Variants in EPN1 observed in about 807,000 individuals in gnomAD.
EPN1 encodes epsin 1.
EPN1 carries 25 observed loss-of-function variants against 56.9 expected under a neutral mutation model. The ratio of observed to expected loss-of-function variants is 0.44; its 90% CI spans 0.32 to 0.61. The LOEUF (loss-of-function observed/expected upper bound fraction) is 0.61, where lower values mean the gene tolerates loss of function less well. Among genes scored for constraint, EPN1 ranks in the 20% least tolerant of loss-of-function variants. The pLI is 0.05. For missense variants in EPN1, 785 were observed against 823.7 expected, an observed-to-expected ratio of 0.95 and a Z score of 0.58; for synonymous variants, 411 against 361.8, an observed-to-expected ratio of 1.14 and a Z score of -1.54.
intron 2 of EPN1, among the ~76,000 whole-genome samples, chr19:55,681,978 A>T (rs921990918): frequency 4.0e-5 from 6 of 151,848 alleles, no homozygotes; most frequent in South Asian, 2.1e-4. Context: ...GATATTTTAA[A>T]TTTTTTTGTA....
chr19:55,680,804 GGCCCTGA>G (rs1159143730), intron 2 of EPN1: 3 of 152,546 alleles, frequency 2.0e-5, no homozygotes, highest in African/African-American at 7.2e-5. Context: ...CAGGCCCAGA[GGCCCTGA>G]GCCACTGTGA....
chr19:55,680,224 T>C (rs898740419), intron 2 of EPN1, among the ~76,000 whole-genome samples: 1 of 152,038 alleles, frequency 6.6e-6, no homozygotes, highest in Non-Finnish European at 1.5e-5. Context: ...CGAGATAGAG[T>C]TCTCTGGATT....
In EPN1 at chr19:55,703,544, G is replaced by A. The variant is rs188787497; in HGVS notation, c.*8188G>A. On this transcript the variant is annotated 3_prime_UTR_variant, in exon 11 of 11. Transcript: ENST00000270460. ...TCACCACGTTGGCCAGGCTGGTCTG[G>A]AACTCCTGACCTCAGGTGATCCACC... is the stretch of plus-strand genomic sequence containing the variant. 2.5e-3 allele frequency: 387 copies of A among 152,168 alleles called. No individual in the cohort carries two copies. Among genetic ancestry groups the A allele is most frequent in the Non-Finnish European group, 3.6e-3 (244 of 68,062 alleles). 9.4% of individuals were successfully genotyped at this position (152,168 alleles called of 1,614,324 possible).
intron 1 of EPN1, 25 bp downstream of exon 1, chr19:55,675,460 G>T (rs1040821329): frequency 6.6e-6 from 1 of 152,268 alleles, no homozygotes; most frequent in Non-Finnish European, 1.5e-5. Context: ...GAGCGCGGGG[G>T]ACGCTGGCCC....
chr19:55,686,231 C>T (rs754735260), intron 3 of EPN1, among the ~76,000 whole-genome samples: 4 of 152,186 alleles, frequency 2.6e-5, no homozygotes, highest in African/African-American at 7.2e-5. Context: ...ATCTGTCCCA[C>T]GAAACATTTC....
At chr19:55,682,116 C>T (rs1985857553) in intron 2 of EPN1, among the ~76,000 whole-genome samples, 1 of 152,136 alleles carries the variant, frequency 6.6e-6, no homozygotes. Flanking sequence ...CACTTGCTCA[C>T]TTCTAAAATA....
In EPN1 at chr19:55,709,068, T is replaced by C; in HGVS notation, c.*13712T>C. ...GCCTGGGAAAATAGAAATAAAGTTT[T>C]TTTTTTTGTTTTTCATTTTTACACA... is the stretch of plus-strand genomic sequence containing the variant. On this transcript the variant is annotated 3_prime_UTR_variant, in exon 11 of 11. Transcript: ENST00000270460. 1 of 1,548,464 alleles carries C rather than the reference T, an allele frequency of 6.5e-7. No homozygotes were observed. Among genetic ancestry groups the C allele is most frequent in the East Asian group, 2.4e-5 (1 of 42,220 alleles).
intron 2 of EPN1, among the ~76,000 whole-genome samples, chr19:55,681,418 G>A (rs1462165642): frequency 1.3e-5 from 2 of 152,336 alleles, no homozygotes; most frequent in African/African-American, 4.8e-5. Context: ...TCTGGGCCCT[G>A]CACTGCCACC....
intron 2 of EPN1, among the ~76,000 whole-genome samples, chr19:55,681,068 G>C (rs550725946): frequency 2.2e-4 from 33 of 152,368 alleles, no homozygotes; most frequent in African/African-American, 7.9e-4. Flanking sequence ...CATCTGTTCA[G>C]AGCCCAGGCT....
In EPN1 at chr19:55,708,954, A is replaced by C. The variant is rs1158775375; in HGVS notation, c.*13598A>C. ...TGATCTTGTATTCCTCGTCAATCCA[A>C]GGTCCATGTGAAATGGTCAGATGGG... On this transcript the variant is annotated 3_prime_UTR_variant, in exon 11 of 11. Transcript: ENST00000270460. The C allele has an allele frequency of 1.9e-6, 3 of 1,584,246 alleles. No individual in the cohort carries two copies. The highest frequency in any genetic ancestry group is 3.7e-5 in the Admixed American group (2 of 53,886).
rs201054079 is a variant in EPN1 at position 55,689,969 on chromosome 19, G to C, written c.762+19G>C. On this transcript the variant is annotated intron_variant, in intron 6 of 10. Coordinates refer to ENST00000270460, the MANE Select transcript of EPN1 (RefSeq NM_001130072.2). The surrounding 1 kb of genome is among the most constrained non-coding windows in gnomAD (Gnocchi z 5.7). Reference sequence around the variant, plus strand: ...GGAGGAGGTGAGCGGGGCTTGTTCTGCCCTCCCTGGCCCCTGCAGGTGTCC... The same window carrying C: ...GGAGGAGGTGAGCGGGGCTTGTTCTCCCCTCCCTGGCCCCTGCAGGTGTCC... 1.3e-5 allele frequency: 20 copies of C among 1,573,284 alleles called. No individual in the cohort carries two copies. In the Admixed American group the frequency reaches 3.7e-4, roughly 29 times the overall value.
At chr19:55,680,820 GA>G (rs1181137638) in intron 2 of EPN1, 3 of 152,590 alleles carry the variant, frequency 2.0e-5, no homozygotes, top group Admixed American at 6.5e-5. Context: ...GAGCCACTGT[GA>G]AGCTGCTACA....
At position 55,702,656 on chromosome 19, in the gene EPN1, G is replaced by A. The variant is rs1405388457; in HGVS notation, c.*7300G>A. On this transcript the variant is annotated 3_prime_UTR_variant, in exon 11 of 11. Transcript: ENST00000270460. ...TTTCTAAGCTGCTTTTTGTTAGGAA[G>A]TTTTTTGCTGGGGACTCTCTTCGCC... 1 of 152,190 alleles carries A rather than the reference G, an allele frequency of 6.6e-6. No individual in the cohort carries two copies. The highest frequency in any genetic ancestry group is 1.5e-5 in the Non-Finnish European group (1 of 68,048). The allele number at this position is 152,190 out of a possible 1,614,324, so 9.4% of individuals were successfully genotyped here. A position where few individuals can be genotyped will look rare whatever the true frequency, so the allele number is the denominator to read the frequency against.
chr19:55,679,530 G>A (rs1250074446), intron 2 of EPN1, among the ~76,000 whole-genome samples: 2 of 152,154 alleles, frequency 1.3e-5, no homozygotes, highest in African/African-American at 4.8e-5. Flanking sequence ...GGTCCCGTCG[G>A]CAAGCATCTG....
rs984564838 is a variant in EPN1, at chr19:55,677,100, C to G, written c.-101-1427C>G. 3 of 1,543,034 alleles carry G rather than the reference C, an allele frequency of 1.9e-6. No homozygotes were observed. The South Asian group carries it at 3.6e-5, about 18-fold the overall frequency. On this transcript the variant is annotated intron_variant, in intron 1 of 10. Transcript: ENST00000270460. The stretch of plus-strand genomic sequence containing the variant: ...CAGAGGCCAGCCTCTCTCCGTCATC[C>G]CTATCTCCCCTGGGCTTACATCATG...
chr19:55,686,928 G>A (rs147628629), intron 3 of EPN1, among the ~76,000 whole-genome samples: 3 of 152,002 alleles, frequency 2.0e-5, no homozygotes, highest in Non-Finnish European at 2.9e-5. Flanking sequence ...CTCGGGGGTC[G>A]TCAGACTTTG....
At chr19:55,688,500 C>T (rs527959321) in intron 3 of EPN1, among the ~76,000 whole-genome samples, 4 of 152,260 alleles carry the variant, frequency 2.6e-5, no homozygotes, top group African/African-American at 9.6e-5. Context: ...CCTGGGAAAC[C>T]TGGGAGGAAG....
Position 55,685,619 on chromosome 19 carries a change from A to G in EPN1, c.452A>G (p.Lys151Arg). Residue 151 changes from lysine to arginine, a missense_variant, in exon 3 of 11, where the codon AAG becomes AGG. Coordinates refer to ENST00000270460, the MANE Select transcript of EPN1 (RefSeq NM_001130072.2). Reference sequence around the variant, plus strand: ...GAGCGGGCGCACGCGCTCAAGACCAAGGAAAAGCTGGCACAGACCGCCACG... The same window carrying G: ...GAGCGGGCGCACGCGCTCAAGACCAGGGAAAAGCTGGCACAGACCGCCACG... ...REERAHALKT[K>R]EKLAQTATAS... 7 of 1,602,094 alleles carry G rather than the reference A, an allele frequency of 4.4e-6. No homozygotes were observed. Among genetic ancestry groups the G allele is most frequent in the Non-Finnish European group, 6.0e-6 (7 of 1,175,404 alleles).
intron 2 of EPN1, among the ~76,000 whole-genome samples, chr19:55,681,044 C>T (rs1355128769): frequency 6.6e-6 from 1 of 152,236 alleles, no homozygotes; most frequent in Non-Finnish European, 1.5e-5. Flanking sequence ...CGTGGGGGAG[C>T]TGGGGCTTGG....
Sources: gnomAD v4.1 joint callset for allele counts (sites outside exome capture counted in the v4.1 genomes callset) on GRCh38, gnomAD v4.1.1 for gene constraint, Gnocchi (gnomAD v3.1) non-coding constraint, MANE v1.5 for transcripts, NCBI Gene and HGNC (gene_info 2026-07-23, HGNC 2026-07-21) for gene names.